Variants in RIC1 observed in about 807,000 individuals in gnomAD.
The protein encoded by RIC1 is guanine nucleotide exchange factor subunit RIC1.
RIC1 carries 88 observed loss-of-function variants against 169.0 expected under a neutral mutation model. That is an observed-to-expected ratio of 0.52 (90% confidence interval 0.44 to 0.62). The LOEUF is 0.62. Among genes scored for constraint, RIC1 ranks in the 20% least tolerant of loss-of-function variants. The probability of loss-of-function intolerance (pLI) is 0.00; values close to 1 mark genes in which losing one functional copy is unlikely to be tolerated. For synonymous variants in RIC1, 790 were observed against 601.5 expected (o/e 1.31, Z -4.59); for missense variants, 1,877 against 1,725.5 (o/e 1.09, Z -1.56).
rs370552504 is a variant in RIC1, at chr9:5,676,672, T to C, written c.253-13287T>C. Among the ~76,000 whole-genome samples, 32 of 152,324 alleles carry C rather than the reference T, an allele frequency of 2.1e-4. No individual in the cohort carries two copies. The East Asian group carries it at 5.6e-3, about 27-fold the overall frequency. ...AGAAATCTCACTGGCACTTTTTTAA[T>C]GGGGTTTAAAGAAAAAAATTGCTCT... On this transcript the variant is annotated intron_variant, in intron 2 of 25. Transcript: ENST00000414202.
At position 5,727,041 on chromosome 9, in the gene RIC1, C is replaced by G. The variant is rs190137449; in HGVS notation, c.721-5347C>G. On this transcript the variant is annotated intron_variant, in intron 6 of 25. Coordinates refer to ENST00000414202, the MANE Select transcript of RIC1 (RefSeq NM_020829.4). ...CTGACAATTATGTGTCTTGGAGTTG[C>G]TCTTCTCGAGGAGTATCTTTGTGGC... Among the ~76,000 whole-genome samples, 243 of 152,250 alleles carry G rather than the reference C, an allele frequency of 1.6e-3. 3 individuals are homozygous for G. The East Asian group carries it at 0.038, about 24-fold the overall frequency.
At chr9:5,731,498 C>T (rs1291709679) in intron 6 of RIC1, among the ~76,000 whole-genome samples, 1 of 152,070 alleles carries the variant, frequency 6.6e-6, no homozygotes, top group Non-Finnish European at 1.5e-5. Context: ...TTAATGTTTA[C>T]TATTAGGATC....
At chr9:5,665,385 G>T (rs1819693288) in intron 2 of RIC1, among the ~76,000 whole-genome samples, 1 of 152,166 alleles carries the variant, frequency 6.6e-6, no homozygotes, top group Admixed American at 6.5e-5. Flanking sequence ...GTTAAAACTT[G>T]CTCCTTTAGC....
intron 4 of RIC1, chr9:5,718,925 A>G (rs770166941): frequency 1.5e-4 from 23 of 152,232 alleles, no homozygotes; most frequent in Non-Finnish European, 1.9e-4. Context: ...ATTGAAGTCA[A>G]CTTTCCAAAG....
intron 21 of RIC1, among the ~76,000 whole-genome samples, chr9:5,766,045 G>A (rs1213092386): frequency 1.3e-5 from 2 of 151,898 alleles, no homozygotes; most frequent in African/African-American, 2.4e-5. Flanking sequence ...TGTTCTGAAT[G>A]TAACAAACTT....
At chr9:5,678,871 G>T (rs10975233) in intron 2 of RIC1, among the ~76,000 whole-genome samples, 4 of 151,386 alleles carry the variant, frequency 2.6e-5, no homozygotes, top group African/African-American at 9.7e-5. Context: ...TGTCAATTTT[G>T]GCTTTTGTTG....
chr9:5,769,479 C>G, intron 22 of RIC1: 3 of 1,436,362 alleles, frequency 2.1e-6, no homozygotes, highest in South Asian at 1.5e-5. Context: ...AAGTCTAATT[C>G]AAAAATCTAA....
At chr9:5,761,279 T>C (rs1826322761) in intron 17 of RIC1, among the ~76,000 whole-genome samples, 1 of 151,444 alleles carries the variant, frequency 6.6e-6, no homozygotes. Flanking sequence ...ACGCCCGGCT[T>C]ATTTTTGTGT....
At chr9:5,661,721 A>G (rs911624509) in intron 2 of RIC1, among the ~76,000 whole-genome samples, 3 of 152,144 alleles carry the variant, frequency 2.0e-5, no homozygotes, top group South Asian at 2.1e-4. Context: ...TCAGCTTACA[A>G]AGCTTTTGGG....
rs199554054 is a variant in RIC1 at position 5,686,708 on chromosome 9, T to C, written c.253-3251T>C. ...CGAGTTAGTGGGTGCAGCGCACCAG[T>C]ATGGCACATGTATACATATGTAACT... On this transcript the variant is annotated intron_variant, in intron 2 of 25. Coordinates refer to ENST00000414202, the MANE Select transcript of RIC1 (RefSeq NM_020829.4). 4.6e-5 allele frequency among the ~76,000 whole-genome samples: 7 copies of C among 151,918 alleles called. No individual in the cohort carries two copies. In the South Asian group the frequency reaches 1.5e-3, roughly 32 times the overall value.
At chr9:5,636,346 T>C (rs1033786600) in intron 1 of RIC1, among the ~76,000 whole-genome samples, 1 of 152,146 alleles carries the variant, frequency 6.6e-6, no homozygotes, top group Non-Finnish European at 1.5e-5. Flanking sequence ...TTAGACAAAG[T>C]CTCGCTCTTG....
At chr9:5,661,802 C>G (rs533883945) in intron 2 of RIC1, among the ~76,000 whole-genome samples, 2 of 152,154 alleles carry the variant, frequency 1.3e-5, no homozygotes, top group African/African-American at 2.4e-5. Flanking sequence ...TTTCTCTCTT[C>G]CTATTTGAAT....
chr9:5,680,612 C>G (rs1205142547), intron 2 of RIC1, among the ~76,000 whole-genome samples: 1 of 152,072 alleles, frequency 6.6e-6, no homozygotes, highest in Non-Finnish European at 1.5e-5. Flanking sequence ...TCCATTTCTT[C>G]TAGATTTTCT....
chr9:5,761,033 C>G lies in RIC1; in HGVS notation c.1993-1508C>G, dbSNP rs138579519. Among the ~76,000 whole-genome samples the G allele has an allele frequency of 9.3e-3, 1,410 of 151,678 alleles. 36 individuals are homozygous for G. The highest frequency in any genetic ancestry group is 0.032 in the African/African-American group (1,335 of 41,292). On this transcript the variant is annotated intron_variant, in intron 17 of 25. Coordinates refer to ENST00000414202, the MANE Select transcript of RIC1 (RefSeq NM_020829.4). ...TCTTCCAAAAGCTCAGGTGATGGCC[C>G]GCTGCTCTTTTTACCCTGGCTAGTG...
At chr9:5,655,163 T>C (rs542053379) in intron 1 of RIC1, among the ~76,000 whole-genome samples, 1 of 152,334 alleles carries the variant, frequency 6.6e-6, no homozygotes, top group East Asian at 1.9e-4. Context: ...TTGTTCCTGA[T>C]CTTAGCAGGA....
At chr9:5,634,809 TC>T (rs1239079308) in intron 1 of RIC1, among the ~76,000 whole-genome samples, 2 of 152,222 alleles carry the variant, frequency 1.3e-5, no homozygotes, top group African/African-American at 2.4e-5. Context: ...AGGGTGTTTT[TC>T]CCCTGTTTTC....
intron 3 of RIC1, among the ~76,000 whole-genome samples, chr9:5,709,610 A>G (rs1188841823): frequency 1.3e-5 from 2 of 152,190 alleles, no homozygotes; most frequent in African/African-American, 4.8e-5. Context: ...CCTGGCATTC[A>G]GTGCTTTCAT....
chr9:5,756,434 GT>G, intron 16 of RIC1, 62 bp downstream of exon 16: 1 of 1,152,608 alleles, frequency 8.7e-7, no homozygotes. Context: ...CTCTTTTGTA[GT>G]TTTTGTTTTC....
chr9:5,645,052 G>A (rs1363240476), intron 1 of RIC1, among the ~76,000 whole-genome samples: 5 of 151,638 alleles, frequency 3.3e-5, no homozygotes, highest in Admixed American at 3.3e-4. Flanking sequence ...TAGCCATTTC[G>A]CTATACCTAT....
Sources: allele counts gnomAD v4.1 joint callset (sites outside exome capture counted in the v4.1 genomes callset), GRCh38; gene constraint gnomAD v4.1.1; transcripts MANE v1.5; gene names NCBI Gene and HGNC (gene_info 2026-07-23, HGNC 2026-07-21).